PTGES2: variants seen among roughly 807,000 people sequenced by gnomAD.
The protein encoded by PTGES2 is prostaglandin E synthase 2.
A neutral mutation model predicts 44.5 loss-of-function variants in PTGES2; 35 were observed. The ratio of observed to expected loss-of-function variants is 0.79; its 90% confidence interval spans 0.60 to 1.04. The LOEUF (loss-of-function observed/expected upper bound fraction) is 1.04. Among genes scored for constraint, PTGES2 ranks in the 50% least tolerant of loss-of-function variants. The probability of loss-of-function intolerance (pLI) is 0.00; values close to 1 mark genes in which losing one functional copy is unlikely to be tolerated. For synonymous variants in PTGES2, 221 were observed against 227.5 expected (o/e 0.97, Z 0.26); for missense variants, 517 against 521.4 (o/e 0.99, Z 0.08).
In PTGES2 at chr9:128,124,503, G is replaced by A; in HGVS notation, c.525C>T (p.Tyr175=). 6.2e-7 allele frequency: 1 copy of A among 1,613,834 alleles called. No homozygotes were observed. Among genetic ancestry groups the A allele is most frequent in the Non-Finnish European group, 8.5e-7 (1 of 1,179,832 alleles). ...SSVIISALKT[Y]LVSGQPLEEI... is the part of the protein sequence containing the mutation. ...GAGGGGCTCCTTACCCCGACACCAG[G>A]TAGGTCTTGAGGGCGCTGATGATGA... The change falls in exon 3 of 7, where the codon TAC becomes TAT. Residue 175 remains tyrosine (Y), a synonymous_variant. Transcript: ENST00000338961.
rs202058563 is a variant in PTGES2, at chr9:128,123,139, G to C, written c.687-5C>G. ...TGCCGCCACTTCATCTCCTCCCTGC[G>C]GGCACGGGAGGGACTTCCTAAGCCA... is the stretch of plus-strand genomic sequence containing the variant. On this transcript the variant is annotated splice_polypyrimidine_tract_variant and splice_region_variant and intron_variant, in intron 4 of 6. Coordinates refer to ENST00000338961, the MANE Select transcript of PTGES2 (RefSeq NM_025072.7). This position sits in a 1 kb window ranked among gnomAD's most constrained non-coding sequence, Gnocchi z 4.4. 34 of 1,606,966 alleles carry C rather than the reference G, an allele frequency of 2.1e-5. No homozygotes were observed. Among genetic ancestry groups the C allele is most frequent in the Non-Finnish European group, 2.8e-5 (33 of 1,179,718 alleles).
chr9:128,127,566 G>A lies in PTGES2; in HGVS notation c.152C>T (p.Ala51Val). The A allele has an allele frequency of 1.6e-6, 2 of 1,282,906 alleles. No individual in the cohort carries two copies. Among genetic ancestry groups the A allele is most frequent in the East Asian group, 3.1e-5 (1 of 31,876 alleles). The allele number at this position is 1,282,906 out of a possible 1,614,324, so 79.5% of individuals were successfully genotyped here. A position where few individuals can be genotyped will look rare whatever the true frequency, so the allele number is the denominator to read the frequency against. The change falls in exon 1 of 7, where the codon GCT becomes GTT. Residue 51 changes from alanine to valine, a missense_variant. Ala to Val is a moderately conservative substitution (Grantham distance 64). Transcript: ENST00000338961. Reference protein sequence around the residue: ...AAGGPSPVAAARKGSPRLLGA... With the variant: ...AAGGPSPVAAVRKGSPRLLGA... ...CAGCAGCCGCGGGCTCCCCTTACGA[G>A]CTGCAGCCACGGGGCTCGGGCCGCC...
chr9:128,127,540 C>G lies in PTGES2; in HGVS notation c.178G>C (p.Gly60Arg). 1 of 1,294,176 alleles carries G rather than the reference C, an allele frequency of 7.7e-7. No homozygotes were observed. Among genetic ancestry groups the G allele is most frequent in the African/African-American group, 1.5e-5 (1 of 64,986 alleles). The allele number at this position is 1,294,176 out of a possible 1,614,324, so 80.2% of individuals were successfully genotyped here. Residue 60 changes from glycine to arginine, a missense_variant, in exon 1 of 7, where the codon GGA (glycine) becomes CGA (arginine). Coordinates refer to ENST00000338961, the MANE Select transcript of PTGES2 (RefSeq NM_025072.7). ...AARKGSPRLL[G>R]AAALALGGAL... The stretch of plus-strand genomic sequence containing the variant: ...CCCCCCAGGGCCAGCGCCGCAGCTC[C>G]CAGCAGCCGCGGGCTCCCCTTACGA...
chr9:128,128,023 T>C (rs1298821154), upstream of PTGES2: 4 of 398,268 alleles, frequency 1.0e-5, no homozygotes, highest in African/African-American at 2.1e-5. Flanking sequence ...CTTGACCGCC[T>C]AAAGGGCGGC....
chr9:128,124,847 G>A (rs1008982930), intron 2 of PTGES2: 3 of 1,260,834 alleles, frequency 2.4e-6, no homozygotes, highest in Non-Finnish European at 3.0e-6. Flanking sequence ...CAAGCACTGT[G>A]CCAGGCATTT....
At chr9:128,122,835 G>GGCCTCCC in intron 5 of PTGES2, 99 bp downstream of exon 5, 1 of 1,312,962 alleles carries the variant, frequency 7.6e-7, no homozygotes, top group Non-Finnish European at 1.1e-6. Flanking sequence ...CCTAGGCCTC[G>GGCCTCCC]GCCTCCCGCT....
Position 128,125,335 on chromosome 9 carries a change from A to C in PTGES2, c.386T>G (p.Val129Gly). The C allele has an allele frequency of 6.2e-7, 1 of 1,614,088 alleles. No individual in the cohort carries two copies. The highest frequency in any genetic ancestry group is 8.5e-7 in the Non-Finnish European group (1 of 1,180,006). Residue 129 changes from valine (V) to glycine (G), a missense_variant, in exon 2 of 7, where the codon GTG (valine) becomes GGG (glycine). Val to Gly is a moderately radical substitution (Grantham distance 109, BLOSUM62 -3). Coordinates refer to ENST00000338961, the MANE Select transcript of PTGES2 (RefSeq NM_025072.7). ...CCTGCGCACAGGGTTCACCTCCACC[A>C]CCTGGTAGGGCAGGGCATGGAAGTC... ...FLDFHALPYQ[V>G]VEVNPVRRAE...
At chr9:128,127,816 C>T (rs1834694070), upstream of PTGES2, 11 of 1,141,526 alleles carry the variant, frequency 9.6e-6, no homozygotes, top group African/African-American at 3.2e-5. Flanking sequence ...GCGGGTTGGC[C>T]GGGGTGAGGG....
chr9:128,122,298 A>G, intron 6 of PTGES2, 64 bp downstream of exon 6: 1 of 1,336,594 alleles, frequency 7.5e-7, no homozygotes, highest in Non-Finnish European at 1.1e-6. Context: ...TTTCCCTTGC[A>G]AACCTCCCCC....
chr9:128,123,595 G>C lies in PTGES2; in HGVS notation c.686+107C>G. ...GGCATGGCCCGGCCCCAGCCCCGCT[G>C]GTCTCCCATGCTGCTCCCTGCTCAC... On this transcript the variant is annotated intron_variant, in intron 4 of 6. Coordinates refer to ENST00000338961, the MANE Select transcript of PTGES2 (RefSeq NM_025072.7). The surrounding 1 kb of genome is among the most constrained non-coding windows in gnomAD (Gnocchi z 4.4). 1 of 1,206,202 alleles carries C rather than the reference G, an allele frequency of 8.3e-7. No individual in the cohort carries two copies. Among genetic ancestry groups the C allele is most frequent in the African/African-American group, 1.5e-5 (1 of 67,056 alleles). The allele number at this position is 1,206,202 out of a possible 1,614,324, so 74.7% of individuals were successfully genotyped here.
chr9:128,127,469 C>T lies in PTGES2; in HGVS notation c.249G>A (p.Gln83=). 1 of 1,403,094 alleles carries T rather than the reference C, an allele frequency of 7.1e-7. No individual in the cohort carries two copies. Among genetic ancestry groups the T allele is most frequent in the South Asian group, 1.6e-5 (1 of 62,060 alleles). The allele number at this position is 1,403,094 out of a possible 1,614,324, so 86.9% of individuals were successfully genotyped here. A position where few individuals can be genotyped will look rare whatever the true frequency, so the allele number is the denominator to read the frequency against. Residue 83 remains glutamine (Q), a synonymous_variant, in exon 1 of 7, where the codon CAG becomes CAA. Coordinates refer to ENST00000338961, the MANE Select transcript of PTGES2 (RefSeq NM_025072.7). ...YHTARWHLRA[Q]DLHAERSAAQ... is the part of the protein sequence containing the mutation. Reference sequence around the variant, plus strand: ...CGGCTGAGCGCTCTGCGTGGAGGTCCTGGGCGCGCAGGTGCCACCGCGCCG... The same window carrying T: ...CGGCTGAGCGCTCTGCGTGGAGGTCTTGGGCGCGCAGGTGCCACCGCGCCG...
chr9:128,128,345 G>T (rs1304197624), upstream of PTGES2: 2 of 456,278 alleles, frequency 4.4e-6, no homozygotes, highest in South Asian at 3.1e-5. Flanking sequence ...GGCAAAGTGG[G>T]GTGCCAGGCT....
chr9:128,122,900 G>T, intron 5 of PTGES2, 34 bp downstream of exon 5: 1 of 1,608,482 alleles, frequency 6.2e-7, no homozygotes, highest in East Asian at 2.2e-5. Flanking sequence ...GGAGGCTCGG[G>T]GACAGCAGGC....
chr9:128,126,467 A>G (rs959990413), intron 1 of PTGES2, among the ~76,000 whole-genome samples: 4 of 152,116 alleles, frequency 2.6e-5, no homozygotes, highest in African/African-American at 7.2e-5. Context: ...CAGCCTTAGG[A>G]TTTGGGGGCA....
In PTGES2 at chr9:128,123,044, C is replaced by T. The variant is rs201491985; in HGVS notation, c.777G>A (p.Ala259=). Residue 259 remains alanine, a synonymous_variant, in exon 5 of 7, where the codon GCG becomes GCA. Coordinates refer to ENST00000338961, the MANE Select transcript of PTGES2 (RefSeq NM_025072.7). The surrounding 1 kb of genome is among the most constrained non-coding windows in gnomAD (Gnocchi z 4.4). Reference sequence around the variant, plus strand: ...CCTCGCGGACAATGTAGTCAAAGGACGCCAGAGCCTCGGTGGGCGTGCGGT... The same window carrying T: ...CCTCGCGGACAATGTAGTCAAAGGATGCCAGAGCCTCGGTGGGCGTGCGGT... The part of the protein sequence containing the change: ...NVYRTPTEAL[A]SFDYIVREGK... 298 of 1,613,754 alleles carry T rather than the reference C, an allele frequency of 1.8e-4. No homozygotes were observed. In the Admixed American group the frequency reaches 2.2e-3, roughly 12 times the overall value.
chr9:128,124,945 A>G (rs1215211465), intron 2 of PTGES2: 52 of 1,057,866 alleles, frequency 4.9e-5, no homozygotes, highest in Non-Finnish European at 6.0e-5. Flanking sequence ...ACTTGCCCCA[A>G]GTCACACAGC....
At chr9:128,126,671 C>G (rs1001076923) in intron 1 of PTGES2, among the ~76,000 whole-genome samples, 1 of 151,880 alleles carries the variant, frequency 6.6e-6, no homozygotes, top group African/African-American at 2.4e-5. Flanking sequence ...CCAGCTTGGC[C>G]AACATGGTGA....
At chr9:128,122,540 G>C (rs1209267889) in intron 5 of PTGES2, 61 bp from the exon 6 acceptor site, 2 of 1,453,348 alleles carry the variant, frequency 1.4e-6, no homozygotes, top group Non-Finnish European at 1.9e-6. Flanking sequence ...GCAGGGAAGA[G>C]GGTCTCCTCT....
chr9:128,125,180 C>T, intron 2 of PTGES2, 64 bp downstream of exon 2: 1 of 1,464,262 alleles, frequency 6.8e-7, no homozygotes, highest in South Asian at 1.3e-5. Context: ...CCAGGCCAGG[C>T]TAGGGGGCGC....
Sources: allele counts gnomAD v4.1 joint callset (sites outside exome capture counted in the v4.1 genomes callset), GRCh38; gene constraint gnomAD v4.1.1; non-coding constraint Gnocchi (gnomAD v3.1); transcripts MANE v1.5; gene names NCBI Gene and HGNC (gene_info 2026-07-23, HGNC 2026-07-21).